Variants in SLC2A14 observed in about 807,000 individuals in gnomAD.
The protein encoded by SLC2A14 is solute carrier family 2 member 14.
Under a neutral mutation model 43.0 loss-of-function variants are expected in SLC2A14, and 13 were observed. The observed-to-expected ratio is 0.30, with a 90% CI of 0.20 to 0.48. The LOEUF is 0.48. Among genes scored for constraint, SLC2A14 ranks in the 20% least tolerant of loss-of-function variants. SLC2A14 has a pLI of 0.99. For missense variants in SLC2A14, 428 were observed against 620.4 expected, an observed-to-expected ratio of 0.69 and a Z score of 3.29; for synonymous variants, 190 against 233.8, an observed-to-expected ratio of 0.81 and a Z score of 1.71.
intron 2 of SLC2A14, among the ~76,000 whole-genome samples, chr12:7,844,935 C>T (rs1345205516): frequency 6.6e-6 from 1 of 152,036 alleles, no homozygotes; most frequent in Non-Finnish European, 1.5e-5. Flanking sequence ...TCAATTGATC[C>T]TCAAAACTTT....
chr12:7,865,002 C>T (rs1243515063), intron 2 of SLC2A14, among the ~76,000 whole-genome samples: 1 of 152,076 alleles, frequency 6.6e-6, no homozygotes, highest in Non-Finnish European at 1.5e-5. Context: ...GCTCCTATTG[C>T]GCTTTTTTAC....
At chr12:7,833,737 G>C (rs764068500) in intron 2 of SLC2A14, among the ~76,000 whole-genome samples, 8 of 151,158 alleles carry the variant, frequency 5.3e-5, no homozygotes, top group African/African-American at 1.9e-4. Context: ...AGCCGAGACC[G>C]TGCCACTGCA....
Position 7,828,699 on chromosome 12 carries a change from C to T in SLC2A14, c.676+5G>A, listed in dbSNP as rs767295578. On this transcript the variant is annotated splice_donor_5th_base_variant and intron_variant, in intron 6 of 10. Coordinates refer to ENST00000431042, the MANE Select transcript of SLC2A14 (RefSeq NM_001286234.2). ...TTTGTATACTAAAGAGTGAAAGATA[C>T]TCACTCCGCGTAGCATTCTCCTCTT... The T allele has an allele frequency of 6.8e-6, 11 of 1,613,572 alleles. No homozygotes were observed. Among genetic ancestry groups the T allele is most frequent in the Non-Finnish European group, 9.3e-6 (11 of 1,179,548 alleles).
intron 2 of SLC2A14, among the ~76,000 whole-genome samples, chr12:7,864,681 T>TC (rs1944813226): frequency 1.3e-5 from 2 of 152,120 alleles, no homozygotes; most frequent in Admixed American, 1.3e-4. Flanking sequence ...ACAGGCATGC[T>TC]CACTTGTTTA....
chr12:7,877,150 A>G (rs1019763028), upstream of SLC2A14, among the ~76,000 whole-genome samples: 1 of 151,810 alleles, frequency 6.6e-6, no homozygotes, highest in South Asian at 2.1e-4. Flanking sequence ...TTACAGGCGC[A>G]TGCCACTCGG....
intron 2 of SLC2A14, among the ~76,000 whole-genome samples, chr12:7,867,977 T>G (rs1373135257): frequency 6.6e-6 from 1 of 152,018 alleles, no homozygotes; most frequent in East Asian, 1.9e-4. Context: ...AGTAACAAAG[T>G]GTGAGAGAAC....
intron 1 of SLC2A14, among the ~76,000 whole-genome samples, chr12:7,878,711 G>A (rs1414285400): frequency 6.6e-6 from 1 of 151,762 alleles, no homozygotes; most frequent in Non-Finnish European, 1.5e-5. Flanking sequence ...AGGTGGGGTG[G>A]CTCAGGGCGA....
intron 1 of SLC2A14, among the ~76,000 whole-genome samples, chr12:7,871,585 C>T (rs2121069369): frequency 1.3e-5 from 2 of 152,010 alleles, no homozygotes; most frequent in South Asian, 4.2e-4. Context: ...ACCCTAGGGC[C>T]CTGGGCTGGA....
At chr12:7,854,776 C>T (rs994428285) in intron 2 of SLC2A14, among the ~76,000 whole-genome samples, 2 of 151,906 alleles carry the variant, frequency 1.3e-5, no homozygotes, top group East Asian at 3.9e-4. Context: ...CTCGACCTCC[C>T]GAAATTCTGG....
chr12:7,835,778 A>G (rs2120816131), intron 2 of SLC2A14, among the ~76,000 whole-genome samples: 1 of 152,316 alleles, frequency 6.6e-6, no homozygotes, highest in Middle Eastern at 3.4e-3. Context: ...CTGCTCTAAA[A>G]CTTTGCTTGC....
chr12:7,872,937 C>T, upstream of SLC2A14: 1 of 985,468 alleles, frequency 1.0e-6, no homozygotes, highest in South Asian at 4.7e-5. Context: ...GCCTAGGATT[C>T]GACTTTGAAT....
chr12:7,876,547 AAAATT>A (rs1945467360), upstream of SLC2A14, among the ~76,000 whole-genome samples: 1 of 152,144 alleles, frequency 6.6e-6, no homozygotes, highest in African/African-American at 2.4e-5. Flanking sequence ...GATTCCTCAA[AAAATT>A]AAAACAGAAC....
At chr12:7,816,670 C>T (rs1276495262) in intron 10 of SLC2A14, among the ~76,000 whole-genome samples, 4 of 151,662 alleles carry the variant, frequency 2.6e-5, no homozygotes, top group Non-Finnish European at 5.9e-5. Context: ...TTGAGACCAG[C>T]CTGGCCAACA....
chr12:7,879,336 A>C (rs1251480936), intron 1 of SLC2A14, among the ~76,000 whole-genome samples: 1 of 149,650 alleles, frequency 6.7e-6, no homozygotes, highest in Non-Finnish European at 1.5e-5. Flanking sequence ...ACAACAAAAA[A>C]AAACAAAAGT....
chr12:7,873,414 A>G (rs4883453), upstream of SLC2A14: 839,887 of 957,990 alleles, frequency 0.88, 368,729 homozygotes, highest in South Asian at 0.96. Flanking sequence ...GGCCGAGGAG[A>G]GCGGATAACT....
Position 7,841,198 on chromosome 12 carries a change from C to G in SLC2A14, c.19-8384G>C, listed in dbSNP as rs149690741. Among the ~76,000 whole-genome samples the G allele has an allele frequency of 6.7e-4, 102 of 152,236 alleles. 1 individual carries two copies. Among genetic ancestry groups the G allele is most frequent in the African/African-American group, 2.2e-3 (93 of 41,550 alleles). ...AGAAAGTACACAGAGTTCCCATGTA[C>G]TCCCTTAACACCCCTAATACTAACA... is the stretch of plus-strand genomic sequence containing the variant. On this transcript the variant is annotated intron_variant, in intron 2 of 10. Coordinates refer to ENST00000431042, the MANE Select transcript of SLC2A14 (RefSeq NM_001286234.2).
chr12:7,839,287 G>A (rs1865722162), intron 2 of SLC2A14, among the ~76,000 whole-genome samples: 1 of 140,154 alleles, frequency 7.1e-6, no homozygotes, highest in Non-Finnish European at 1.6e-5. Flanking sequence ...TGAATCACAC[G>A]AGAAAGTCAA....
intron 2 of SLC2A14, among the ~76,000 whole-genome samples, chr12:7,866,445 A>T (rs1390861857): frequency 2.6e-5 from 4 of 151,762 alleles, no homozygotes; most frequent in Non-Finnish European, 5.9e-5. Flanking sequence ...GCTCACTGCA[A>T]CCTCCACCTC....
chr12:7,817,730 A>G (rs775050701), intron 10 of SLC2A14, 101 bp downstream of exon 10: 8 of 1,316,006 alleles, frequency 6.1e-6, no homozygotes, highest in African/African-American at 3.0e-5. Flanking sequence ...GGCGAGACTC[A>G]GTCTCAAAAA....
Sources: gnomAD v4.1 joint callset for allele counts (sites outside exome capture counted in the v4.1 genomes callset) on GRCh38, gnomAD v4.1.1 for gene constraint, MANE v1.5 for transcripts, NCBI Gene and HGNC (gene_info 2026-07-23, HGNC 2026-07-21) for gene names.